MRTFB: variants seen among roughly 807,000 people sequenced by gnomAD.
The protein encoded by MRTFB is myocardin related transcription factor B.
MRTFB carries 29 observed loss-of-function variants against 104.2 expected under a neutral mutation model. The ratio of observed to expected loss-of-function variants is 0.28; its 90% CI spans 0.21 to 0.38. The LOEUF (loss-of-function observed/expected upper bound fraction) is 0.38. Ranked by LOEUF, MRTFB falls within the 10% of genes least tolerant of loss-of-function variation. The pLI is 1.00. For synonymous variants in MRTFB, 535 were observed against 519.5 expected (o/e 1.03, Z -0.41); for missense variants, 1,270 against 1,341.6 (o/e 0.95, Z 0.83).
chr16:14,096,743 C>G (rs1256893961), intron 2 of MRTFB, among the ~76,000 whole-genome samples: 1 of 152,168 alleles, frequency 6.6e-6, no homozygotes, highest in Non-Finnish European at 1.5e-5. Flanking sequence ...AGAATGTTGT[C>G]TTTGATACCA....
At chr16:14,068,158 G>A (rs1392461358), upstream of MRTFB, among the ~76,000 whole-genome samples, 1 of 152,112 alleles carries the variant, frequency 6.6e-6, no homozygotes, top group Non-Finnish European at 1.5e-5. Flanking sequence ...TTCTGTATAT[G>A]AGCCCATCCT....
At chr16:14,038,942 C>T in the MRTFB span, among the ~76,000 whole-genome samples, 129 of 152,246 alleles carry the variant, frequency 8.5e-4, no homozygotes, top group African/African-American at 2.8e-3. Context: ...AACTGAAAGG[C>T]GACACCCTTT....
intron 3 of MRTFB, among the ~76,000 whole-genome samples, chr16:14,207,438 A>G (rs1436812528): frequency 6.6e-6 from 1 of 152,216 alleles, no homozygotes; most frequent in Non-Finnish European, 1.5e-5. Context: ...CAGAACTCCT[A>G]AAGTTCTCCT....
chr16:14,043,164 C>G, the MRTFB span, among the ~76,000 whole-genome samples: 1 of 152,144 alleles, frequency 6.6e-6, no homozygotes, highest in Non-Finnish European at 1.5e-5. Flanking sequence ...GTTCTTCCTT[C>G]TTGACTATGG....
At chr16:14,042,549 G>A in the MRTFB span, among the ~76,000 whole-genome samples, 1 of 152,186 alleles carries the variant, frequency 6.6e-6, no homozygotes, top group Non-Finnish European at 1.5e-5. Flanking sequence ...TTATGGTTCT[G>A]GGAAGTTAAA....
At chr16:14,014,039 C>T in the MRTFB span, among the ~76,000 whole-genome samples, 1 of 152,210 alleles carries the variant, frequency 6.6e-6, no homozygotes, top group East Asian at 1.9e-4. Context: ...TCTGTCTCCA[C>T]CATGAAAATA....
the MRTFB span, among the ~76,000 whole-genome samples, chr16:14,052,674 G>A: frequency 6.6e-6 from 1 of 151,650 alleles, no homozygotes; most frequent in African/African-American, 2.4e-5. Flanking sequence ...GGGAGGCAGA[G>A]GTTGCAGTGA....
intron 2 of MRTFB, among the ~76,000 whole-genome samples, chr16:14,087,590 C>CG (rs1231253750): frequency 6.6e-6 from 1 of 152,166 alleles, no homozygotes; most frequent in Non-Finnish European, 1.5e-5. Context: ...TCAGAGAGGA[C>CG]GCCTAGTTCA....
the MRTFB span, among the ~76,000 whole-genome samples, chr16:14,033,030 T>C: frequency 8.2e-4 from 125 of 151,846 alleles, 1 homozygote; most frequent in Admixed American, 5.8e-3. Flanking sequence ...TTTTTTTTAG[T>C]AGGTCTGCAA....
At chr16:14,229,896 A>G (rs1195011301) in intron 8 of MRTFB, among the ~76,000 whole-genome samples, 1 of 152,178 alleles carries the variant, frequency 6.6e-6, no homozygotes, top group African/African-American at 2.4e-5. Context: ...AGACAAAGCA[A>G]AGTTTGCAGC....
intron 1 of MRTFB, among the ~76,000 whole-genome samples, chr16:14,075,597 T>C (rs2033991186): frequency 6.6e-6 from 1 of 152,242 alleles, no homozygotes; most frequent in Non-Finnish European, 1.5e-5. Context: ...TGTTAACAAA[T>C]TATCAGGTGA....
chr16:14,193,106 C>A (rs2040261184), intron 3 of MRTFB, among the ~76,000 whole-genome samples: 1 of 150,128 alleles, frequency 6.7e-6, no homozygotes, highest in East Asian at 2.0e-4. Flanking sequence ...CCTCCCCCTA[C>A]ACACATTCTG....
chr16:14,175,749 G>A (rs1015600192), intron 3 of MRTFB, among the ~76,000 whole-genome samples: 15 of 152,054 alleles, frequency 9.9e-5, no homozygotes, highest in Non-Finnish European at 7.4e-5. Context: ...AACAAAATAT[G>A]GTATATCCAT....
chr16:14,179,596 G>C (rs1029330609), intron 3 of MRTFB, among the ~76,000 whole-genome samples: 4 of 152,160 alleles, frequency 2.6e-5, no homozygotes, highest in Non-Finnish European at 4.4e-5. Flanking sequence ...TTGACTGCTT[G>C]ACTAAAATTA....
chr16:14,058,414 TTAGTCCAATTCTTCCTCATGAGCCG>T, the MRTFB span, among the ~76,000 whole-genome samples: 5 of 149,508 alleles, frequency 3.3e-5, no homozygotes, highest in East Asian at 7.0e-4. Context: ...CAGCTGGAAT[TTAGTCCAATTCTTCCTCATGAGCCG>T]GGCAATGTAC....
intron 3 of MRTFB, among the ~76,000 whole-genome samples, chr16:14,207,257 C>G (rs1324915137): frequency 6.6e-6 from 1 of 152,162 alleles, no homozygotes; most frequent in Non-Finnish European, 1.5e-5. Context: ...CTCCTACCTT[C>G]AAGCAGTATA....
At chr16:14,244,019 A>C (rs2042906065) in intron 10 of MRTFB, among the ~76,000 whole-genome samples, 1 of 151,956 alleles carries the variant, frequency 6.6e-6, no homozygotes, top group African/African-American at 2.4e-5. Flanking sequence ...CTGGGGCTAC[A>C]GGCGCCCGCC....
chr16:14,127,929 A>ATATTTTT (rs1393344981), intron 2 of MRTFB, among the ~76,000 whole-genome samples: 2 of 44,634 alleles, frequency 4.5e-5, no homozygotes, highest in Non-Finnish European at 6.6e-5. Context: ...ATATATATAT[A>ATATTTTT]TTTTTTTTTT....
At position 14,246,977 on chromosome 16, in the gene MRTFB, A is replaced by C. The variant is rs2043042648; in HGVS notation, c.1717A>C (p.Lys573Gln). ...LELDAAEKDR[K>Q]LQEKEKQIEE... ...ACTGGATGCAGCCGAAAAGGATCGC[A>C]AGCTTCAGGAGAAAGAGAAGCAAAT... The change falls in exon 12 of 17, where the codon AAG becomes CAG. Residue 573 changes from lysine (K) to glutamine (Q), a missense_variant. Lys to Gln is a moderately conservative substitution (Grantham distance 53). This residue lies in a region of MRTFB where 1,144 missense variants were observed against 1,131.5 expected (regional missense o/e 1.01). Coordinates refer to ENST00000571589, the MANE Select transcript of MRTFB (RefSeq NM_001308142.2). The C allele has an allele frequency of 3.7e-6, 6 of 1,614,204 alleles. No homozygotes were observed.
Sources: gnomAD v4.1 joint callset for allele counts (sites outside exome capture counted in the v4.1 genomes callset) on GRCh38, gnomAD v4.1.1 for gene constraint, gnomAD v4.1.1 regional missense constraint, MANE v1.5 for transcripts, NCBI Gene and HGNC (gene_info 2026-07-23, HGNC 2026-07-21) for gene names.